CAP2: variants seen among roughly 807,000 people sequenced by gnomAD.
CAP2 encodes the protein cyclase associated actin cytoskeleton regulatory protein 2.
Under a neutral mutation model 57.7 loss-of-function variants are expected in CAP2, and 24 were observed. The ratio of observed to expected loss-of-function variants is 0.42; its 90% CI spans 0.30 to 0.58. The LOEUF (loss-of-function observed/expected upper bound fraction) is 0.58, where lower values mean the gene tolerates loss of function less well. Among genes scored for constraint, CAP2 ranks in the 20% least tolerant of loss-of-function variants. The probability of loss-of-function intolerance (pLI) is 0.22; values close to 1 mark genes in which losing one functional copy is unlikely to be tolerated. For synonymous variants in CAP2, 194 were observed against 207.2 expected, an observed-to-expected ratio of 0.94 and a Z score of 0.55; for missense variants, 501 against 590.3, an observed-to-expected ratio of 0.85 and a Z score of 1.57.
At chr6:17,501,570 T>C (rs1198147634) in intron 4 of CAP2, among the ~76,000 whole-genome samples, 2 of 152,228 alleles carry the variant, frequency 1.3e-5, no homozygotes, top group Admixed American at 6.5e-5. Context: ...TATTTTGTTT[T>C]GCTCAGTGAT....
intron 3 of CAP2, among the ~76,000 whole-genome samples, chr6:17,450,137 C>T (rs1447766155): frequency 6.6e-6 from 1 of 151,708 alleles, no homozygotes; most frequent in Non-Finnish European, 1.5e-5. Flanking sequence ...CTGCAAGCTC[C>T]GCCTCCCAGG....
At chr6:17,439,393 T>G (rs1389352155) in intron 3 of CAP2, among the ~76,000 whole-genome samples, 1 of 151,422 alleles carries the variant, frequency 6.6e-6, no homozygotes, top group Admixed American at 6.6e-5. Context: ...GACTTTCTGT[T>G]CATTCCATTG....
In CAP2 at chr6:17,438,641, G is replaced by C. The variant is rs540720596; in HGVS notation, c.222+11951G>C. Among the ~76,000 whole-genome samples, 43 of 146,078 alleles carry C rather than the reference G, an allele frequency of 2.9e-4. 3 individuals are homozygous for C. Among genetic ancestry groups the C allele is most frequent in the African/African-American group, 1.0e-3 (40 of 38,934 alleles). On this transcript the variant is annotated intron_variant, in intron 3 of 12. Transcript: ENST00000229922. ...TTTTTAGTAGAGACGGGGTTTCACA[G>C]TGTTAGCCAGGATGGTCTCAATCTC...
chr6:17,513,506 CAG>C lies in CAP2; in HGVS notation c.531-342_531-341del, dbSNP rs1422089106. 6.6e-6 allele frequency among the ~76,000 whole-genome samples: 1 copy of C among 151,988 alleles called. No homozygotes were observed. Among genetic ancestry groups the C allele is most frequent in the Non-Finnish European group, 1.5e-5 (1 of 68,010 alleles). On this transcript the variant is annotated intron_variant, in intron 6 of 12. Coordinates refer to ENST00000229922, the MANE Select transcript of CAP2 (RefSeq NM_006366.3). This position sits in a 1 kb window ranked among gnomAD's most constrained non-coding sequence, Gnocchi z 4.3. The stretch of plus-strand genomic sequence containing the variant: ...GCATCAGAAGCAGTGCAGAAAGAAA[CAG>C]TCTCCCCTCCACGCCCCCGTCACGT...
chr6:17,508,315 C>T lies in CAP2; in HGVS notation c.530+589C>T, dbSNP rs543481822. On this transcript the variant is annotated intron_variant, in intron 6 of 12. Coordinates refer to ENST00000229922, the MANE Select transcript of CAP2 (RefSeq NM_006366.3). ...GGTGAACCAGCGTGAAAGGACCTTG[C>T]GTTCGACAGCACAAGTAATAGATCC... Among the ~76,000 whole-genome samples the T allele has an allele frequency of 5.3e-5, 8 of 152,268 alleles. No homozygotes were observed. In the East Asian group the frequency reaches 1.4e-3, roughly 26 times the overall value.
intron 7 of CAP2, chr6:17,530,772 C>T: frequency 1.9e-6 from 1 of 529,172 alleles, no homozygotes; most frequent in Non-Finnish European, 3.4e-6. Flanking sequence ...TCCACCTGTT[C>T]CAAGAGACTG....
At chr6:17,431,523 A>G (rs1759733755) in intron 3 of CAP2, among the ~76,000 whole-genome samples, 1 of 152,138 alleles carries the variant, frequency 6.6e-6, no homozygotes, top group Non-Finnish European at 1.5e-5. Flanking sequence ...CTCACTTTTG[A>G]TGGGTCATAG....
chr6:17,422,926 A>G (rs1759485665), intron 2 of CAP2, among the ~76,000 whole-genome samples: 1 of 152,190 alleles, frequency 6.6e-6, no homozygotes, highest in Admixed American at 6.5e-5. Context: ...GGGTATAAGG[A>G]TGTCCCAAAT....
intron 4 of CAP2, among the ~76,000 whole-genome samples, chr6:17,495,294 T>C (rs1761636922): frequency 6.6e-6 from 1 of 152,192 alleles, no homozygotes; most frequent in Non-Finnish European, 1.5e-5. Context: ...GTCACCAGTA[T>C]ATATTTATTG....
intron 3 of CAP2, among the ~76,000 whole-genome samples, chr6:17,457,776 C>T (rs576800437): frequency 6.6e-6 from 1 of 152,316 alleles, no homozygotes; most frequent in Non-Finnish European, 1.5e-5. Flanking sequence ...CAGAAAATTG[C>T]TCTATTAGCA....
chr6:17,462,867 A>T (rs547698423), intron 3 of CAP2, 129 bp from the exon 4 acceptor site: 1 of 686,762 alleles, frequency 1.5e-6, no homozygotes, highest in East Asian at 2.7e-5. Flanking sequence ...ACATTCATTT[A>T]CAAGTTTTTG....
intron 7 of CAP2, among the ~76,000 whole-genome samples, chr6:17,521,483 T>C (rs969476059): frequency 6.6e-5 from 10 of 152,060 alleles, no homozygotes; most frequent in African/African-American, 2.4e-4. Context: ...ATAGTAAAGT[T>C]AGGTTGGAAG....
At chr6:17,430,756 CT>C (rs2113545442) in intron 3 of CAP2, among the ~76,000 whole-genome samples, 1 of 152,264 alleles carries the variant, frequency 6.6e-6, no homozygotes, top group Non-Finnish European at 1.5e-5. Flanking sequence ...CCAGGCTGGT[CT>C]TGAACTCCTG....
chr6:17,422,607 C>T (rs1378584449), intron 2 of CAP2, among the ~76,000 whole-genome samples: 3 of 152,184 alleles, frequency 2.0e-5, no homozygotes, highest in Non-Finnish European at 4.4e-5. Context: ...CCTCGTCCTC[C>T]CAAAGTGCTG....
chr6:17,515,128 C>T (rs541641628), intron 7 of CAP2, among the ~76,000 whole-genome samples: 10 of 151,158 alleles, frequency 6.6e-5, no homozygotes, highest in African/African-American at 1.9e-4. Context: ...ATCCGGGAGG[C>T]GGAGATTGCA....
intron 6 of CAP2, among the ~76,000 whole-genome samples, chr6:17,509,721 T>G (rs1284678254): frequency 6.6e-6 from 1 of 151,540 alleles, no homozygotes; most frequent in Non-Finnish European, 1.5e-5. Context: ...TAGGTGTATT[T>G]CCAAAAGAAC....
chr6:17,436,695 C>T (rs1312864584), intron 3 of CAP2, among the ~76,000 whole-genome samples: 1 of 152,066 alleles, frequency 6.6e-6, no homozygotes, highest in Non-Finnish European at 1.5e-5. Context: ...AGTCTCCTCT[C>T]AAGCCTTCCA....
At chr6:17,458,852 C>T (rs548075850) in intron 3 of CAP2, among the ~76,000 whole-genome samples, 5 of 140,808 alleles carry the variant, frequency 3.6e-5, no homozygotes, top group Admixed American at 7.0e-5. Flanking sequence ...CAAATAAAAC[C>T]GAATCACAGA....
chr6:17,439,880 C>T (rs1760023119), intron 3 of CAP2, among the ~76,000 whole-genome samples: 1 of 151,498 alleles, frequency 6.6e-6, no homozygotes, highest in Admixed American at 6.6e-5. Context: ...CACTTCCTAA[C>T]AGGCCATGGA....
Sources: gnomAD v4.1 joint callset for allele counts (sites outside exome capture counted in the v4.1 genomes callset) on GRCh38, gnomAD v4.1.1 for gene constraint, Gnocchi (gnomAD v3.1) non-coding constraint, MANE v1.5 for transcripts, NCBI Gene and HGNC (gene_info 2026-07-23, HGNC 2026-07-21) for gene names.